RHBDD1: variants seen among roughly 807,000 people sequenced by gnomAD.
RHBDD1 encodes rhomboid-related protein 4.
A neutral mutation model predicts 36.3 loss-of-function variants in RHBDD1; 38 were observed. The observed-to-expected ratio is 1.05, with a 90% CI of 0.81 to 1.37. The LOEUF is 1.37. Ranked by LOEUF, RHBDD1 falls within the 40% of genes most tolerant of loss-of-function variation. The pLI is 0.00. For synonymous variants in RHBDD1, 151 were observed against 136.5 expected (o/e 1.11, Z -0.74); for missense variants, 393 against 377.6 (o/e 1.04, Z -0.34).
chr2:226,993,593 C>T (rs540227161), intron 8 of RHBDD1, among the ~76,000 whole-genome samples: 22 of 152,188 alleles, frequency 1.4e-4, no homozygotes, highest in African/African-American at 5.1e-4. Context: ...ATGGCAAAAA[C>T]GTTTTTTGGG....
intron 3 of RHBDD1, among the ~76,000 whole-genome samples, chr2:226,858,027 C>A (rs891038921): frequency 1.3e-5 from 2 of 152,144 alleles, no homozygotes; most frequent in African/African-American, 4.8e-5. Context: ...TCCTGCTGTT[C>A]AAGGTCATCG....
chr2:226,956,065 AC>A (rs1310707291), intron 8 of RHBDD1, among the ~76,000 whole-genome samples: 1 of 152,190 alleles, frequency 6.6e-6, no homozygotes, highest in East Asian at 1.9e-4. Flanking sequence ...AAACCAATAC[AC>A]AGAAAGATGA....
chr2:226,812,522 A>T, the RHBDD1 span, among the ~76,000 whole-genome samples: 2 of 152,260 alleles, frequency 1.3e-5, no homozygotes, highest in Non-Finnish European at 2.9e-5. Flanking sequence ...CTACCTTTAC[A>T]TATTGAAATA....
chr2:226,995,406 TTTTCCTTTGGC>T lies in RHBDD1; in HGVS notation c.857-20_857-10del. ...GCCTTGTCACGTCAGAATGATTGAT[TTTTCCTTTGGC>T]TTTCTCACTACAGGAAATACCAGAA... On this transcript the variant is annotated splice_polypyrimidine_tract_variant and intron_variant, in intron 8 of 8. Transcript: ENST00000392062. The T allele has an allele frequency of 6.7e-7, 1 of 1,484,188 alleles. No homozygotes were observed. Among genetic ancestry groups the T allele is most frequent in the South Asian group, 1.2e-5 (1 of 86,900 alleles). The allele number at this position is 1,484,188 out of a possible 1,614,324, so 91.9% of individuals were successfully genotyped here.
chr2:226,936,991 T>A lies in RHBDD1; in HGVS notation c.856+22640T>A, dbSNP rs149210116. On this transcript the variant is annotated intron_variant, in intron 8 of 8. Coordinates refer to ENST00000392062, the MANE Select transcript of RHBDD1 (RefSeq NM_001167608.3). ...GTGACATTCTCTACTTCAGCAACCA[T>A]GATTCCCTAAGTTATGAAAGAATTT... Among the ~76,000 whole-genome samples, 75 of 152,242 alleles carry A rather than the reference T, an allele frequency of 4.9e-4. No homozygotes were observed. The East Asian group carries it at 0.014, about 28-fold the overall frequency.
intron 8 of RHBDD1, among the ~76,000 whole-genome samples, chr2:226,960,017 G>A (rs555906505): frequency 1.3e-5 from 2 of 152,204 alleles, no homozygotes; most frequent in South Asian, 4.1e-4. Flanking sequence ...TAGACATGGG[G>A]TTTTACCGTA....
Position 226,914,280 on chromosome 2 carries a change from A to T in RHBDD1, c.785A>T (p.Asp262Val). Residue 262 changes from aspartate to valine, a missense_variant, in exon 8 of 9, where the codon GAC becomes GTC. Coordinates refer to ENST00000392062, the MANE Select transcript of RHBDD1 (RefSeq NM_001167608.3). Reference protein sequence around the residue: ...DHYEEAPRNYDTYTAGLSEEE... With the variant: ...DHYEEAPRNYVTYTAGLSEEE... The stretch of plus-strand genomic sequence containing the variant: ...TATGAAGAAGCACCCAGGAACTATG[A>T]CACGTACACAGCAGGACTGAGTGAA... The T allele has an allele frequency of 8.7e-6, 14 of 1,613,858 alleles. No homozygotes were observed. The highest frequency in any genetic ancestry group is 1.2e-5 in the Non-Finnish European group (14 of 1,179,826).
intron 8 of RHBDD1, among the ~76,000 whole-genome samples, chr2:226,933,168 G>C (rs781203471): frequency 6.6e-6 from 1 of 152,110 alleles, no homozygotes; most frequent in South Asian, 2.1e-4. Flanking sequence ...TTACCACCGT[G>C]TGGGGATTAT....
the RHBDD1 span, among the ~76,000 whole-genome samples, chr2:226,825,927 C>T: frequency 4.6e-5 from 7 of 152,126 alleles, no homozygotes; most frequent in African/African-American, 1.4e-4. Context: ...TAACAGTTAT[C>T]GGGTATCGAG....
rs540537616 is a variant in RHBDD1, at chr2:226,930,306, C to T, written c.856+15955C>T. Among the ~76,000 whole-genome samples the T allele has an allele frequency of 8.6e-5, 13 of 151,804 alleles. No homozygotes were observed. In the East Asian group the frequency reaches 1.7e-3, roughly 20 times the overall value. On this transcript the variant is annotated intron_variant, in intron 8 of 8. Coordinates refer to ENST00000392062, the MANE Select transcript of RHBDD1 (RefSeq NM_001167608.3). ...AACAGCATGGTACTGCTGTAAAAGTCGATACAAAGACCAATGGAACAGAAT... is the reference window on the plus strand; with the variant it reads ...AACAGCATGGTACTGCTGTAAAAGTTGATACAAAGACCAATGGAACAGAAT...
intron 8 of RHBDD1, among the ~76,000 whole-genome samples, chr2:226,995,123 T>C (rs935644076): frequency 6.6e-6 from 1 of 151,796 alleles, no homozygotes; most frequent in African/African-American, 2.4e-5. Context: ...AATAAGCCCT[T>C]GAGATACTGT....
chr2:226,854,601 G>GGAAAA (rs1553544046), intron 3 of RHBDD1, among the ~76,000 whole-genome samples: 1 of 83,680 alleles, frequency 1.2e-5, no homozygotes, highest in Admixed American at 1.3e-4. Flanking sequence ...ACTCTGTTTC[G>GGAAAA]AAAAAAAAAA....
intron 8 of RHBDD1, among the ~76,000 whole-genome samples, chr2:226,919,781 G>C (rs1949176647): frequency 6.6e-6 from 1 of 151,824 alleles, no homozygotes; most frequent in Non-Finnish European, 1.5e-5. Flanking sequence ...GCTTCTTTCT[G>C]CTCGGGATAG....
intron 8 of RHBDD1, among the ~76,000 whole-genome samples, chr2:226,960,127 T>C (rs1191691085): frequency 1.3e-5 from 2 of 152,168 alleles, no homozygotes; most frequent in Non-Finnish European, 2.9e-5. Flanking sequence ...CCGGCCACAT[T>C]TATGTTTTAG....
chr2:226,821,316 T>TTTTG, the RHBDD1 span, among the ~76,000 whole-genome samples: 4 of 152,098 alleles, frequency 2.6e-5, no homozygotes, highest in Non-Finnish European at 5.9e-5. Flanking sequence ...TACTGGCTTT[T>TTTTG]TTTGTTTGTT....
chr2:226,990,286 G>C (rs760966778), intron 8 of RHBDD1, among the ~76,000 whole-genome samples: 3 of 152,252 alleles, frequency 2.0e-5, no homozygotes, highest in South Asian at 2.1e-4. Context: ...TTCATGGAAT[G>C]CTAATAAAGT....
intron 3 of RHBDD1, among the ~76,000 whole-genome samples, chr2:226,841,912 A>C (rs1189700248): frequency 1.3e-5 from 2 of 152,190 alleles, no homozygotes; most frequent in Non-Finnish European, 2.9e-5. Context: ...TACTTCCACC[A>C]ACAGTGTAGT....
intron 5 of RHBDD1, among the ~76,000 whole-genome samples, chr2:226,903,746 C>T (rs1466246003): frequency 1.3e-5 from 2 of 152,190 alleles, no homozygotes; most frequent in African/African-American, 2.4e-5. Flanking sequence ...ACAGGCATTC[C>T]TGTTTTTGCA....
intron 8 of RHBDD1, among the ~76,000 whole-genome samples, chr2:226,956,261 C>T (rs547181006): frequency 2.6e-5 from 4 of 152,240 alleles, no homozygotes; most frequent in South Asian, 2.1e-4. Context: ...CATCCTGAGG[C>T]GCGCAGTCCC....
Sources: allele counts gnomAD v4.1 joint callset (sites outside exome capture counted in the v4.1 genomes callset), GRCh38; gene constraint gnomAD v4.1.1; transcripts MANE v1.5; gene names NCBI Gene and HGNC (gene_info 2026-07-23, HGNC 2026-07-21).